The following TMEM230 variants were observed in gnomAD, a reference collection of about 807,000 sequenced individuals.
TMEM230 encodes UPF0414 transmembrane protein C20orf30.
In TMEM230, 10 loss-of-function variants were observed where a neutral mutation model predicts 15.8. That is an observed-to-expected ratio of 0.63 (90% CI 0.39 to 1.07). The LOEUF (loss-of-function observed/expected upper bound fraction) is 1.07, where lower values mean the gene tolerates loss of function less well. Among genes scored for constraint, TMEM230 ranks in the 50% least tolerant of loss-of-function variants. The probability of loss-of-function intolerance (pLI) is 0.01; values close to 1 mark genes in which losing one functional copy is unlikely to be tolerated. For missense variants in TMEM230, 165 were observed against 193.3 expected, an observed-to-expected ratio of 0.85 and a Z score of 0.87; for synonymous variants, 67 against 76.9, an observed-to-expected ratio of 0.87 and a Z score of 0.68.
intron 3 of TMEM230, among the ~76,000 whole-genome samples, chr20:5,092,715 CAAAAA>C (rs749828640): frequency 1.9e-5 from 1 of 53,034 alleles, no homozygotes. Flanking sequence ...AACTCCGTCT[CAAAAA>C]AAAAAAAAAA....
chr20:5,111,486 G>A (rs756896728), intron 2 of TMEM230: 13 of 196,652 alleles, frequency 6.6e-5, no homozygotes, highest in Non-Finnish European at 1.3e-4. Context: ...GTGGGTGCCT[G>A]TAGTCCCACC....
chr20:5,082,882 TTATTA>T (rs1335685635), intron 3 of TMEM230, among the ~76,000 whole-genome samples: 1 of 152,132 alleles, frequency 6.6e-6, no homozygotes, highest in African/African-American at 2.4e-5. Flanking sequence ...ATTTGGTATT[TTATTA>T]TTAGTTATGG....
intron 3 of TMEM230, among the ~76,000 whole-genome samples, chr20:5,071,493 G>GC (rs5840068): frequency 0.055 from 8,370 of 151,586 alleles, 700 homozygotes; most frequent in African/African-American, 0.19. Flanking sequence ...GCATGGTGGC[G>GC]ATGCCTGTAA....
chr20:5,088,977 T>C (rs961041568), intron 3 of TMEM230, among the ~76,000 whole-genome samples: 1 of 152,236 alleles, frequency 6.6e-6, no homozygotes, highest in Admixed American at 6.5e-5. Flanking sequence ...GATAAGTGAC[T>C]ATTTTATGTT....
chr20:5,067,456 T>C (rs1371645296), downstream of TMEM230: 2 of 98,908 alleles, frequency 2.0e-5, no homozygotes, highest in African/African-American at 3.9e-5. Context: ...TATATATATA[T>C]ATATTTTAAG....
the TMEM230 span, among the ~76,000 whole-genome samples, chr20:5,060,636 C>T: frequency 3.9e-5 from 6 of 152,016 alleles, no homozygotes; most frequent in Non-Finnish European, 8.8e-5. Flanking sequence ...TGTGCCTGGC[C>T]CACTGTATTG....
chr20:5,093,407 C>T (rs752585102), intron 3 of TMEM230, among the ~76,000 whole-genome samples: 1 of 151,954 alleles, frequency 6.6e-6, no homozygotes, highest in Non-Finnish European at 1.5e-5. Context: ...GCCACCATAC[C>T]TGGCTAATTT....
At position 5,100,060 on chromosome 20, in the gene TMEM230, A is replaced by G. The variant is rs1163470326; in HGVS notation, c.*731T>C. 1.0e-6 allele frequency: 1 copy of G among 985,300 alleles called. No individual in the cohort carries two copies. The highest frequency in any genetic ancestry group is 1.7e-5 in the African/African-American group (1 of 57,230). The allele number at this position is 985,300 out of a possible 1,614,324, so 61.0% of individuals were successfully genotyped here. A position where few individuals can be genotyped will look rare whatever the true frequency, so the allele number is the denominator to read the frequency against. ...CGGCTATAAACTCTAAATAATAACC[A>G]CTACATGTTTCATTAGGAAACAGCC... On this transcript the variant is annotated 3_prime_UTR_variant, in exon 5 of 5. Transcript: ENST00000342308.
downstream of TMEM230, among the ~76,000 whole-genome samples, chr20:5,099,323 G>A (rs994909162): frequency 1.3e-5 from 2 of 152,046 alleles, no homozygotes; most frequent in Non-Finnish European, 2.9e-5. Flanking sequence ...CACTCTCCAA[G>A]ATAAAGCTTT....
downstream of TMEM230, chr20:5,067,368 C>T (rs558192805): frequency 8.9e-5 from 13 of 145,392 alleles, no homozygotes; most frequent in South Asian, 2.1e-4. Flanking sequence ...CTGCCCACCA[C>T]GCTGCAGATG....
chr20:5,094,193 A>G (rs1380596649), intron 3 of TMEM230, among the ~76,000 whole-genome samples: 2 of 143,614 alleles, frequency 1.4e-5, no homozygotes, highest in Admixed American at 1.4e-4. Flanking sequence ...TTTTGACCTC[A>G]TGATCCGCCT....
intron 3 of TMEM230, among the ~76,000 whole-genome samples, chr20:5,092,649 A>C (rs1015985207): frequency 6.7e-6 from 1 of 149,052 alleles, no homozygotes; most frequent in African/African-American, 2.5e-5. Flanking sequence ...CCGGAGGCAG[A>C]GGTTGCAGTG....
In TMEM230 at chr20:5,109,403, T is replaced by C. The variant is rs1194670978; in HGVS notation, c.217A>G (p.Thr73Ala). The C allele has an allele frequency of 3.7e-6, 6 of 1,613,768 alleles. No homozygotes were observed. Among genetic ancestry groups the C allele is most frequent in the South Asian group, 3.3e-5 (3 of 91,066 alleles). ...TTCACTTTACTACTGGGGATTCCAG[T>C]AGCCAGGTTGGTACGGGACGGCATC... Residue 73 changes from threonine to alanine, a missense_variant, in exon 3 of 5, where the codon ACT (threonine) becomes GCT (alanine). Physicochemically the swap from Thr to Ala is moderately conservative, Grantham distance 58. Coordinates refer to ENST00000342308, the MANE Select transcript of TMEM230 (RefSeq NM_001009923.2).
intron 4 of TMEM230, among the ~76,000 whole-genome samples, chr20:5,102,688 C>CAAAAAAAAAAAAAAA (rs58106156): frequency 1.2e-5 from 1 of 83,018 alleles, no homozygotes; most frequent in Non-Finnish European, 2.7e-5. Context: ...GACCCTGTCT[C>CAAAAAAAAAAAAAAA]AAAAAAAAAA....
At chr20:5,063,815 A>ACATTTTTAT (rs2088628310), downstream of TMEM230, among the ~76,000 whole-genome samples, 1 of 151,670 alleles carries the variant, frequency 6.6e-6, no homozygotes, top group South Asian at 2.1e-4. Context: ...GTTAACTTGG[A>ACATTTTTAT]AAAATTTCTA....
At chr20:5,102,244 C>T (rs865989199) in intron 4 of TMEM230, among the ~76,000 whole-genome samples, 2 of 152,108 alleles carry the variant, frequency 1.3e-5, no homozygotes, top group Middle Eastern at 6.8e-3. Flanking sequence ...ATCTGCTGTA[C>T]CAGACATGAA....
At chr20:5,089,381 A>G (rs1225290518) in intron 3 of TMEM230, among the ~76,000 whole-genome samples, 1 of 149,794 alleles carries the variant, frequency 6.7e-6, no homozygotes, top group Non-Finnish European at 1.5e-5. Context: ...TTCCAAAAAA[A>G]AAAAGAAAAG....
At chr20:5,088,555 C>CT (rs1420223965) in intron 3 of TMEM230, among the ~76,000 whole-genome samples, 1 of 152,082 alleles carries the variant, frequency 6.6e-6, no homozygotes, top group Non-Finnish European at 1.5e-5. Context: ...CTGCACTCAC[C>CT]TGGCTAGAGT....
At chr20:5,063,471 T>G (rs7265608), downstream of TMEM230, among the ~76,000 whole-genome samples, 3 of 151,632 alleles carry the variant, frequency 2.0e-5, no homozygotes, top group African/African-American at 7.3e-5. Context: ...TATTTTTTGG[T>G]GGAGATGGGG....
Sources: allele counts gnomAD v4.1 joint callset (sites outside exome capture counted in the v4.1 genomes callset), GRCh38; gene constraint gnomAD v4.1.1; transcripts MANE v1.5; gene names NCBI Gene and HGNC (gene_info 2026-07-23, HGNC 2026-07-21).